Variants in ZNF552 observed in about 807,000 individuals in gnomAD.
ZNF552 encodes zinc finger protein 552.
Under a neutral mutation model 7.2 loss-of-function variants are expected in ZNF552, and 2 were observed. The observed-to-expected ratio is 0.28, with a 90% CI of 0.11 to 0.88. The LOEUF (loss-of-function observed/expected upper bound fraction) is 0.88, where lower values mean the gene tolerates loss of function less well. Among genes scored for constraint, ZNF552 ranks in the 40% least tolerant of loss-of-function variants. The pLI, the probability that ZNF552 is intolerant of heterozygous loss-of-function variation, is 0.60. For synonymous variants in ZNF552, 173 were observed against 176.5 expected (o/e 0.98, Z 0.16); for missense variants, 421 against 493.4 (o/e 0.85, Z 1.39).
At position 57,814,739 on chromosome 19, in the gene ZNF552, G is replaced by T; in HGVS notation, c.5C>A (p.Ala2Glu). 3 of 1,613,944 alleles carry T rather than the reference G, an allele frequency of 1.9e-6. No individual in the cohort carries two copies. Among genetic ancestry groups the T allele is most frequent in the Non-Finnish European group, 2.5e-6 (3 of 1,179,984 alleles). ...AACGGGGAACCTTAGCGCGGCCGCC[G>T]CCATGGGACCACGTGGGGTAAGCTG... is the stretch of plus-strand genomic sequence containing the variant. M[A>E]AAALRFPVQG... is the part of the protein sequence containing the mutation. Residue 2 changes from alanine to glutamate, a missense_variant, in exon 1 of 3, where the codon GCG becomes GAG. Around this residue, in one of 2 missense-constraint regions of ZNF552, gnomAD observed 122 missense variants for 199.7 expected, o/e 0.61. Transcript: ENST00000391701.
intron 1 of ZNF552, among the ~76,000 whole-genome samples, chr19:57,813,734 C>CTTT (rs528034833): frequency 1.6e-4 from 14 of 86,242 alleles, no homozygotes; most frequent in African/African-American, 2.7e-4. Context: ...GCACCTCATT[C>CTTT]TTTTTTTTTT....
At chr19:57,814,309 G>A (rs2122152196) in intron 1 of ZNF552, 1 of 605,956 alleles carries the variant, frequency 1.7e-6, no homozygotes, top group Non-Finnish European at 2.9e-6. Context: ...TATTTATTTG[G>A]CCTTTAGGAA....
intron 2 of ZNF552, among the ~76,000 whole-genome samples, chr19:57,810,555 G>C (rs1008779421): frequency 6.6e-6 from 1 of 152,138 alleles, no homozygotes; most frequent in South Asian, 2.1e-4. Flanking sequence ...AGTGCTTCAA[G>C]GCAGCATGCT....
At chr19:57,811,715 CAAAA>C (rs1162967437) in intron 2 of ZNF552, among the ~76,000 whole-genome samples, 8 of 49,702 alleles carry the variant, frequency 1.6e-4, no homozygotes, top group African/African-American at 7.5e-4. Flanking sequence ...AACTCCATCT[CAAAA>C]AAAAAAAAAA....
In ZNF552 at chr19:57,814,881, G is replaced by A. The variant is rs1203803125; in HGVS notation, c.-138C>T. On this transcript the variant is annotated 5_prime_UTR_variant, in exon 1 of 3. Transcript: ENST00000391701. Reference sequence around the variant, plus strand: ...CACGGTCCCAACACAGCGCTCCAAGGACTCCCTAACGCCAATGGAAATGGT... The same window carrying A: ...CACGGTCCCAACACAGCGCTCCAAGAACTCCCTAACGCCAATGGAAATGGT... The A allele has an allele frequency of 5.6e-6, 5 of 896,278 alleles. No individual in the cohort carries two copies. The highest frequency in any genetic ancestry group is 1.7e-5 in the South Asian group (1 of 58,520). 55.5% of individuals were successfully genotyped at this position (896,278 alleles called of 1,614,324 possible).
At chr19:57,813,024 T>C in intron 2 of ZNF552, 1 of 489,484 alleles carries the variant, frequency 2.0e-6, no homozygotes, top group Middle Eastern at 5.5e-4. Flanking sequence ...CTGGATGAAA[T>C]CACACAAACA....
At chr19:57,813,145 G>C in intron 2 of ZNF552, 149 bp downstream of exon 2, 1 of 1,330,068 alleles carries the variant, frequency 7.5e-7, no homozygotes, top group South Asian at 1.5e-5. Flanking sequence ...AGAATGGAGA[G>C]GGCAGTATGC....
At chr19:57,814,531 ACCTG>A in intron 1 of ZNF552, 176 bp downstream of exon 1, 1 of 1,538,390 alleles carries the variant, frequency 6.5e-7, no homozygotes, top group Non-Finnish European at 8.7e-7. Context: ...CCCTCCCTGT[ACCTG>A]TCGCTCTCCC....
In ZNF552 at chr19:57,808,680, G is replaced by A; in HGVS notation, c.584C>T (p.Ser195Leu). ...AGACACACACTCAGTTTTGCTGTTT[G>A]ACTTCCCAGTGTGAGTGGCCTCTTG... ...LQQEATHTGK[S>L]NSKTECVSLF... Residue 195 changes from serine to leucine, a missense_variant, in exon 3 of 3, where the codon TCA (serine) becomes TTA (leucine). Coordinates refer to ENST00000391701, the MANE Select transcript of ZNF552 (RefSeq NM_024762.3). The A allele has an allele frequency of 6.2e-7, 1 of 1,614,154 alleles. No homozygotes were observed. Among genetic ancestry groups the A allele is most frequent in the Admixed American group, 1.7e-5 (1 of 60,024 alleles).
At chr19:57,813,734 CTTTTTTTTTTTTTTTT>C (rs528034833) in intron 1 of ZNF552, among the ~76,000 whole-genome samples, 1 of 86,300 alleles carries the variant, frequency 1.2e-5, no homozygotes, top group Non-Finnish European at 2.1e-5. Flanking sequence ...GCACCTCATT[CTTTTTTTTTTTTTTTT>C]TTTTTTTTTT....
intron 2 of ZNF552, among the ~76,000 whole-genome samples, chr19:57,811,161 C>CTT (rs921761762): frequency 2.1e-5 from 3 of 141,522 alleles, no homozygotes; most frequent in African/African-American, 5.1e-5. Flanking sequence ...GCCCACTTTT[C>CTT]TTTTTTTTTT....
At chr19:57,810,984 G>A (rs925325644) in intron 2 of ZNF552, among the ~76,000 whole-genome samples, 2 of 152,138 alleles carry the variant, frequency 1.3e-5, no homozygotes, top group Admixed American at 1.3e-4. Flanking sequence ...TGTTTATGAT[G>A]CAGAGACATT....
intron 2 of ZNF552, among the ~76,000 whole-genome samples, chr19:57,812,208 A>C (rs1176949807): frequency 2.0e-5 from 3 of 152,048 alleles, no homozygotes; most frequent in Admixed American, 6.6e-5. Context: ...CTCAAAAAAC[A>C]AACAAACAAA....
At chr19:57,810,018 G>T (rs1987823446) in intron 2 of ZNF552, among the ~76,000 whole-genome samples, 1 of 152,110 alleles carries the variant, frequency 6.6e-6, no homozygotes, top group African/African-American at 2.4e-5. Context: ...GAGGCTGGAG[G>T]ATCACTTGAG....
At chr19:57,813,140 G>A (rs1357209485) in intron 2 of ZNF552, 154 bp downstream of exon 2, 1 of 1,289,114 alleles carries the variant, frequency 7.8e-7, no homozygotes, top group African/African-American at 1.5e-5. Flanking sequence ...CTCCAAGAAT[G>A]GAGAGGGCAG....
In ZNF552 at chr19:57,808,608, T is replaced by G; in HGVS notation, c.656A>C (p.Lys219Thr). The G allele has an allele frequency of 6.2e-7, 1 of 1,614,176 alleles. No individual in the cohort carries two copies. Among genetic ancestry groups the G allele is most frequent in the African/African-American group, 1.3e-5 (1 of 75,026 alleles). ...KSHYSCGGCM[K>T]HFSTKDILSQ... ...GAGTATATCTTTGGTGCTAAAATGT[T>G]TCATGCATCCTCCACAGCTGTAATG... Residue 219 changes from lysine to threonine, a missense_variant, in exon 3 of 3, where the codon AAA becomes ACA. Around this residue, in one of 2 missense-constraint regions of ZNF552, gnomAD observed 299 missense variants for 293.7 expected, o/e 1.02. Coordinates refer to ENST00000391701, the MANE Select transcript of ZNF552 (RefSeq NM_024762.3).
In ZNF552 at chr19:57,808,729, A is replaced by G. The variant is rs1987794120; in HGVS notation, c.535T>C (p.Leu179=). 2 of 1,613,674 alleles carry G rather than the reference A, an allele frequency of 1.2e-6. No individual in the cohort carries two copies. Among genetic ancestry groups the G allele is most frequent in the East Asian group, 2.2e-5 (1 of 44,862 alleles). Residue 179 remains leucine (L), a synonymous_variant, in exon 3 of 3, where the codon TTG becomes CTG. Coordinates refer to ENST00000391701, the MANE Select transcript of ZNF552 (RefSeq NM_024762.3). ...TGCTGGAGTAATCCTGACCTGAGCA[A>G]AAAGTCTTTCCCACTCTCACTGAAG... is the stretch of plus-strand genomic sequence containing the variant. The part of the protein sequence containing the change: ...SVFSESGKDF[L]LRSGLLQQEA...
intron 2 of ZNF552, 155 bp downstream of exon 2, chr19:57,813,139 T>C (rs949989816): frequency 1.0e-5 from 13 of 1,278,580 alleles, no homozygotes; most frequent in Non-Finnish European, 1.4e-5. Flanking sequence ...GCTCCAAGAA[T>C]GGAGAGGGCA....
At chr19:57,813,243 G>T in intron 2 of ZNF552, 51 bp downstream of exon 2, 1 of 1,607,134 alleles carries the variant, frequency 6.2e-7, no homozygotes, top group Non-Finnish European at 8.5e-7. Flanking sequence ...GAAAAAGAGG[G>T]GGAAAGACAG....
Sources: allele counts gnomAD v4.1 joint callset (sites outside exome capture counted in the v4.1 genomes callset), GRCh38; gene constraint gnomAD v4.1.1; regional missense constraint gnomAD v4.1.1; transcripts MANE v1.5; gene names NCBI Gene and HGNC (gene_info 2026-07-23, HGNC 2026-07-21).